PLCB4: variants seen among roughly 807,000 people sequenced by gnomAD.
The protein encoded by PLCB4 is 1-phosphatidylinositol 4,5-bisphosphate phosphodiesterase beta-4.
Under a neutral mutation model 178.8 loss-of-function variants are expected in PLCB4, and 77 were observed. The ratio of observed to expected loss-of-function variants is 0.43; its 90% confidence interval spans 0.36 to 0.52. PLCB4 has a LOEUF of 0.52. PLCB4 is among the 20% of genes least tolerant of loss of function. The probability of loss-of-function intolerance (pLI) is 0.00; values close to 1 mark genes in which losing one functional copy is unlikely to be tolerated. For synonymous variants in PLCB4, 496 were observed against 490.8 expected, an observed-to-expected ratio of 1.01 and a Z score of -0.14; for missense variants, 1,024 against 1,453.4, an observed-to-expected ratio of 0.70 and a Z score of 4.80.
intron 2 of PLCB4, among the ~76,000 whole-genome samples, chr20:9,200,867 C>A (rs1191977067): frequency 6.6e-6 from 1 of 152,140 alleles, no homozygotes; most frequent in Non-Finnish European, 1.5e-5. Flanking sequence ...TCCCCTCCCC[C>A]CAGCTTGCTA....
intron 30 of PLCB4, among the ~76,000 whole-genome samples, chr20:9,442,766 G>A (rs1329704271): frequency 6.6e-6 from 1 of 152,150 alleles, no homozygotes; most frequent in African/African-American, 2.4e-5. Context: ...TCAGTAGAGA[G>A]CCCCATGGAC....
intron 1 of PLCB4, among the ~76,000 whole-genome samples, chr20:9,083,628 T>G (rs1378613451): frequency 2.6e-5 from 4 of 152,134 alleles, no homozygotes; most frequent in African/African-American, 9.7e-5. Flanking sequence ...TTAGGTATAA[T>G]TACGACCATT....
At chr20:9,262,637 G>C (rs758757007) in intron 3 of PLCB4, among the ~76,000 whole-genome samples, 4 of 152,154 alleles carry the variant, frequency 2.6e-5, no homozygotes, top group Non-Finnish European at 5.9e-5. Flanking sequence ...CTTGCAGAAG[G>C]TTACATGGTT....
At chr20:9,172,891 A>G (rs1215279542) in intron 2 of PLCB4, among the ~76,000 whole-genome samples, 1 of 152,226 alleles carries the variant, frequency 6.6e-6, no homozygotes, top group Non-Finnish European at 1.5e-5. Context: ...TGGCACTTTA[A>G]TAATTCCTGT....
intron 2 of PLCB4, among the ~76,000 whole-genome samples, chr20:9,130,980 A>G (rs561560234): frequency 3.2e-4 from 49 of 152,176 alleles, no homozygotes; most frequent in Non-Finnish European, 5.7e-4. Context: ...AGCCTCTTGC[A>G]TGTCCATGGG....
chr20:9,093,719 A>G (rs138463332), intron 1 of PLCB4, among the ~76,000 whole-genome samples: 13 of 151,722 alleles, frequency 8.6e-5, no homozygotes, highest in Admixed American at 2.6e-4. Flanking sequence ...TCCCCAAACC[A>G]TGACATAAAT....
chr20:9,104,192 C>T (rs1172299108), intron 2 of PLCB4, among the ~76,000 whole-genome samples: 1 of 152,178 alleles, frequency 6.6e-6, no homozygotes, highest in Non-Finnish European at 1.5e-5. Context: ...CAGCAGTTGG[C>T]TGGGAGCTAA....
chr20:9,399,863 C>A (rs1168514775), intron 19 of PLCB4, among the ~76,000 whole-genome samples: 3 of 152,272 alleles, frequency 2.0e-5, no homozygotes, highest in Non-Finnish European at 4.4e-5. Flanking sequence ...GTTTTGAAAT[C>A]TTGGTTACTG....
intron 28 of PLCB4, among the ~76,000 whole-genome samples, chr20:9,431,134 C>T (rs1021881245): frequency 3.3e-5 from 5 of 152,086 alleles, no homozygotes; most frequent in East Asian, 1.9e-4. Flanking sequence ...TGAAGGCTCT[C>T]GGGAAGAATC....
chr20:9,114,359 G>A (rs921154348), intron 2 of PLCB4, among the ~76,000 whole-genome samples: 5 of 152,094 alleles, frequency 3.3e-5, no homozygotes, highest in African/African-American at 1.2e-4. Context: ...TGATGGCAAT[G>A]TTGAGTTAAG....
chr20:9,075,616 A>G (rs1475171676), intron 1 of PLCB4, among the ~76,000 whole-genome samples: 4 of 152,250 alleles, frequency 2.6e-5, no homozygotes, highest in African/African-American at 9.6e-5. Context: ...GTGGCTGACC[A>G]GGTGTCAGAG....
chr20:9,105,136 A>G (rs2091315047), intron 2 of PLCB4, among the ~76,000 whole-genome samples: 1 of 152,132 alleles, frequency 6.6e-6, no homozygotes, highest in African/African-American at 2.4e-5. Flanking sequence ...ATTGTTGATT[A>G]AAATTGCTGG....
intron 2 of PLCB4, among the ~76,000 whole-genome samples, chr20:9,158,749 C>T (rs949036553): frequency 6.6e-6 from 1 of 152,064 alleles, no homozygotes; most frequent in African/African-American, 2.4e-5. Context: ...TGCCAAAAAC[C>T]CTGCGTCAGA....
chr20:9,327,382 G>GTTCAGCCTGGACAACATA (rs1394232008), intron 4 of PLCB4, among the ~76,000 whole-genome samples: 1 of 151,958 alleles, frequency 6.6e-6, no homozygotes, highest in African/African-American at 2.4e-5. Flanking sequence ...AGGAGTTTGA[G>GTTCAGCCTGGACAACATA]GCTGCGGTGC....
chr20:9,245,646 C>T (rs550606258), intron 3 of PLCB4, among the ~76,000 whole-genome samples: 6 of 152,100 alleles, frequency 3.9e-5, no homozygotes, highest in African/African-American at 1.4e-4. Context: ...TGGAGTCTCC[C>T]CCTAGAACCT....
intron 35 of PLCB4, among the ~76,000 whole-genome samples, chr20:9,462,691 A>G (rs2043481718): frequency 6.6e-6 from 1 of 152,240 alleles, no homozygotes; most frequent in Non-Finnish European, 1.5e-5. Context: ...AATTAATGAA[A>G]TAAAGCAAGA....
intron 7 of PLCB4, among the ~76,000 whole-genome samples, chr20:9,345,417 A>G (rs942176501): frequency 2.6e-5 from 4 of 152,154 alleles, no homozygotes; most frequent in African/African-American, 9.7e-5. Context: ...GAATACAACT[A>G]GCTTGGAAGG....
intron 19 of PLCB4, 49 bp from the exon 20 acceptor site, chr20:9,401,441 A>G (rs768982654): frequency 1.6e-6 from 2 of 1,241,422 alleles, no homozygotes; most frequent in African/African-American, 3.0e-5. Context: ...AGGTCTGACT[A>G]CTTGGCAGTG....
chr20:9,177,506 T>C (rs1217488220), intron 2 of PLCB4, among the ~76,000 whole-genome samples: 4 of 152,148 alleles, frequency 2.6e-5, no homozygotes, highest in African/African-American at 9.7e-5. Context: ...GGGCAAAGTA[T>C]AATCAAGGGA....
Sources: allele counts gnomAD v4.1 joint callset (sites outside exome capture counted in the v4.1 genomes callset), GRCh38; gene constraint gnomAD v4.1.1; transcripts MANE v1.5; gene names NCBI Gene and HGNC (gene_info 2026-07-23, HGNC 2026-07-21).